Variants in TIAM1 observed in about 807,000 individuals in gnomAD.
The protein encoded by TIAM1 is rho guanine nucleotide exchange factor TIAM1.
Under a neutral mutation model 163.5 loss-of-function variants are expected in TIAM1, and 65 were observed. The observed-to-expected ratio is 0.40, with a 90% CI of 0.33 to 0.49. TIAM1 has a LOEUF of 0.49. Ranked by LOEUF, TIAM1 falls within the 20% of genes least tolerant of loss-of-function variation. TIAM1 has a pLI of 0.77. For missense variants in TIAM1, 1,789 were observed against 2,044.7 expected, an observed-to-expected ratio of 0.87 and a Z score of 2.41; for synonymous variants, 833 against 810.1, an observed-to-expected ratio of 1.03 and a Z score of -0.48.
At chr21:31,315,100 G>A (rs1313564738) in intron 2 of TIAM1, among the ~76,000 whole-genome samples, 2 of 152,160 alleles carry the variant, frequency 1.3e-5, no homozygotes, top group South Asian at 2.1e-4. Context: ...GAGGCTGGGC[G>A]TGGTGGCTCA....
rs969983773 is a variant in TIAM1, at chr21:31,426,179, C to T, written c.-369+37804G>A. Among the ~76,000 whole-genome samples, 21 of 152,136 alleles carry T rather than the reference C, an allele frequency of 1.4e-4. 1 individual carries two copies. The highest frequency in any genetic ancestry group is 7.9e-4 in the Admixed American group (12 of 15,268). ...TCTTTTATCCCTCACCCACCTCCCA[C>T]CCTTCCTCCTGAGTCCCCAAAGTCC... On this transcript the variant is annotated intron_variant, in intron 2 of 28. Coordinates refer to the TIAM1 transcript ENST00000286827.
intron 2 of TIAM1, among the ~76,000 whole-genome samples, chr21:31,423,021 T>G (rs1394923440): frequency 6.8e-6 from 1 of 146,428 alleles, no homozygotes; most frequent in African/African-American, 2.5e-5. Flanking sequence ...TCACACAGAG[T>G]CACTTAAAAG....
At position 31,147,005 on chromosome 21, in the gene TIAM1, T is replaced by C; in HGVS notation, c.3367-2A>G. On this transcript the variant is annotated splice_acceptor_variant, in intron 19 of 27. Transcript: ENST00000541036. LOFTEE classifies it high-confidence loss of function. ...TCCCCCCAGAGAGAACAGCACTTTC[T>C]GGATTTGACGAGAAAAGGCACAGTT... is the stretch of plus-strand genomic sequence containing the variant. 6.2e-7 allele frequency: 1 copy of C among 1,612,932 alleles called. No homozygotes were observed. Among genetic ancestry groups the C allele is most frequent in the Non-Finnish European group, 8.5e-7 (1 of 1,179,020 alleles).
At chr21:31,220,005 A>G (rs761044757) in intron 8 of TIAM1, among the ~76,000 whole-genome samples, 4 of 152,266 alleles carry the variant, frequency 2.6e-5, no homozygotes, top group Non-Finnish European at 5.9e-5. Flanking sequence ...GACTATGTCA[A>G]CACTGAATAA....
At position 31,373,072 on chromosome 21, in the gene TIAM1, AAG is replaced by A. The variant is rs1307839421; in HGVS notation, c.-368-33652_-368-33651del. ...CTCTGTCTCAAAAAAAAAAAAAGAA[AAG>A]AAAAGAAAAGAAAAAGAAAGAAAAG... is the stretch of plus-strand genomic sequence containing the variant. On this transcript the variant is annotated intron_variant, in intron 2 of 28. Transcript: ENST00000286827. Among the ~76,000 whole-genome samples, 474 of 150,880 alleles carry A rather than the reference AAG, an allele frequency of 3.1e-3. 3 individuals are homozygous for A. Among genetic ancestry groups the A allele is most frequent in the African/African-American group, 0.01 (427 of 41,086 alleles).
intron 1 of TIAM1, among the ~76,000 whole-genome samples, chr21:31,468,633 A>G (rs936917655): frequency 1.4e-5 from 2 of 147,714 alleles, no homozygotes; most frequent in Admixed American, 1.3e-4. Context: ...AAAATTAGCC[A>G]GGCGTGGTGT....
intron 2 of TIAM1, among the ~76,000 whole-genome samples, chr21:31,439,711 G>A (rs546128217): frequency 1.1e-4 from 16 of 152,290 alleles, no homozygotes; most frequent in Middle Eastern, 6.8e-3. Context: ...CACGCTGTAC[G>A]CCATCAAAGG....
chr21:31,555,815 A>G (rs1302278870), intron 1 of TIAM1, among the ~76,000 whole-genome samples: 2 of 152,154 alleles, frequency 1.3e-5, no homozygotes, highest in Non-Finnish European at 2.9e-5. Flanking sequence ...GTGTTAATAC[A>G]TGCACCTAGT....
intron 2 of TIAM1, among the ~76,000 whole-genome samples, chr21:31,362,826 T>C (rs1004630825): frequency 2.6e-5 from 4 of 152,126 alleles, no homozygotes; most frequent in Non-Finnish European, 4.4e-5. Flanking sequence ...GCGCTCACTC[T>C]CATTCTTACT....
At chr21:31,431,572 T>C (rs2044029308) in intron 2 of TIAM1, among the ~76,000 whole-genome samples, 1 of 152,360 alleles carries the variant, frequency 6.6e-6, no homozygotes, top group East Asian at 1.9e-4. Flanking sequence ...GAAATCATTT[T>C]ATTTATTTTA....
chr21:31,225,849 G>A lies in TIAM1; in HGVS notation c.1686C>T (p.Leu562=), dbSNP rs1214228550. The part of the protein sequence containing the change: ...RHHHKEDTLR[L]LKSEIKKLEQ... The stretch of plus-strand genomic sequence containing the variant: ...CCAGTTTTTTGATCTCTGATTTCAG[G>A]AGTCGGAGCGTGTCTTCCTTGTGGT... The change falls in exon 7 of 28, where the codon CTC becomes CTT. Residue 562 remains leucine, a synonymous_variant. Transcript: ENST00000541036. 1 of 1,614,146 alleles carries A rather than the reference G, an allele frequency of 6.2e-7. No homozygotes were observed.
chr21:31,182,568 A>C lies in TIAM1; in HGVS notation c.2740T>G (p.Phe914Val), dbSNP rs776361728. 1.4e-5 allele frequency: 23 copies of C among 1,613,974 alleles called. No individual in the cohort carries two copies. Among genetic ancestry groups the C allele is most frequent in the Non-Finnish European group, 1.9e-5 (22 of 1,179,996 alleles). The change falls in exon 15 of 28, where the codon TTC becomes GTC. Residue 914 changes from phenylalanine to valine, a missense_variant. Coordinates refer to ENST00000541036, the MANE Select transcript of TIAM1 (RefSeq NM_001353694.2). The part of the protein sequence containing the change: ...DALNSSMLKD[F>V]LSQPSLGLLV... Reference sequence around the variant, plus strand: ...AGGCCCAGCGAGGGCTGTGAGAGGAAATCTTTGAGCATAGAAGAGTTCAGG... The same window carrying C: ...AGGCCCAGCGAGGGCTGTGAGAGGACATCTTTGAGCATAGAAGAGTTCAGG...
At chr21:31,197,390 T>C (rs533896443) in intron 12 of TIAM1, among the ~76,000 whole-genome samples, 1 of 151,732 alleles carries the variant, frequency 6.6e-6, no homozygotes, top group Non-Finnish European at 1.5e-5. Context: ...TTTTTTTTTT[T>C]TTTGAGACGG....
chr21:31,380,735 A>T (rs1276443636), intron 2 of TIAM1, among the ~76,000 whole-genome samples: 1 of 152,218 alleles, frequency 6.6e-6, no homozygotes, highest in Non-Finnish European at 1.5e-5. Flanking sequence ...TCAATACCCT[A>T]CTTTTTTTAG....
At chr21:31,242,860 C>CAAAAAAAAAAAAAAAAAAA (rs11417948) in intron 6 of TIAM1, among the ~76,000 whole-genome samples, 2 of 95,086 alleles carry the variant, frequency 2.1e-5, no homozygotes, top group Non-Finnish European at 3.9e-5. Flanking sequence ...GACTCTGTCT[C>CAAAAAAAAAAAAAAAAAAA]AAAAAAAAAA....
chr21:31,355,835 G>T (rs1432039016), intron 2 of TIAM1, among the ~76,000 whole-genome samples: 2 of 152,204 alleles, frequency 1.3e-5, no homozygotes, highest in Non-Finnish European at 2.9e-5. Flanking sequence ...TCAGGCGTGA[G>T]CACTGCGCGC....
chr21:31,388,417 G>T (rs1047433530), intron 2 of TIAM1, among the ~76,000 whole-genome samples: 9 of 151,978 alleles, frequency 5.9e-5, no homozygotes, highest in African/African-American at 2.2e-4. Context: ...GAGGCAGGAG[G>T]ATCACTTAAG....
intron 2 of TIAM1, among the ~76,000 whole-genome samples, chr21:31,336,522 T>C (rs984522181): frequency 8.7e-5 from 13 of 148,998 alleles, no homozygotes; most frequent in Admixed American, 2.0e-4. Flanking sequence ...TTTTGCTCTT[T>C]AACCTCATTA....
rs1555902486 is a variant in TIAM1 at position 31,243,209 on chromosome 21, A to AATATAT, written c.1584+2273_1584+2278dup. 4.8e-4 allele frequency among the ~76,000 whole-genome samples: 56 copies of AATATAT among 117,258 alleles called. 2 individuals are homozygous for AATATAT. Among genetic ancestry groups the AATATAT allele is most frequent in the African/African-American group, 1.8e-3 (47 of 26,824 alleles). 76.9% of individuals were successfully genotyped at this position (117,258 alleles called of 152,430 possible). A position where few individuals can be genotyped will look rare whatever the true frequency, so the allele number is the denominator to read the frequency against. ...CTTCATCTCAAAAAAAAAAAAAAAA[A>AATATAT]ATATATATATATATATGTATATTTC... On this transcript the variant is annotated intron_variant, in intron 6 of 27. Transcript: ENST00000541036.
Sources: allele counts gnomAD v4.1 joint callset (sites outside exome capture counted in the v4.1 genomes callset), GRCh38; gene constraint gnomAD v4.1.1; transcripts MANE v1.5; gene names NCBI Gene and HGNC (gene_info 2026-07-23, HGNC 2026-07-21).